Variants in KCNQ3 observed in about 807,000 individuals in gnomAD.
KCNQ3 encodes the protein potassium voltage-gated channel subfamily KQT member 3.
In KCNQ3, 30 loss-of-function variants were observed where a neutral mutation model predicts 92.5. That is an observed-to-expected ratio of 0.32 (90% CI 0.24 to 0.44). The LOEUF is 0.44. Ranked by LOEUF, KCNQ3 falls within the 20% of genes least tolerant of loss-of-function variation. KCNQ3 has a pLI of 1.00. For synonymous variants in KCNQ3, 450 were observed against 468.8 expected (o/e 0.96, Z 0.52); for missense variants, 913 against 1,140.3 (o/e 0.80, Z 2.87).
intron 1 of KCNQ3, among the ~76,000 whole-genome samples, chr8:132,342,455 C>T (rs1818561172): frequency 1.3e-5 from 2 of 152,152 alleles, no homozygotes; most frequent in Non-Finnish European, 2.9e-5. Flanking sequence ...CAACAGGCAG[C>T]CCACGGGCAA....
intron 1 of KCNQ3, among the ~76,000 whole-genome samples, chr8:132,433,585 T>C (rs552731899): frequency 6.6e-6 from 1 of 152,358 alleles, no homozygotes; most frequent in African/African-American, 2.4e-5. Flanking sequence ...TTTGTTAGTA[T>C]AGATTTTAAA....
chr8:132,458,112 G>C (rs1652716042), intron 1 of KCNQ3, among the ~76,000 whole-genome samples: 1 of 152,164 alleles, frequency 6.6e-6, no homozygotes, highest in Admixed American at 6.5e-5. Context: ...TCCAGGACTT[G>C]CCACCTGGTC....
chr8:132,153,238 T>C (rs1825691912), intron 9 of KCNQ3, among the ~76,000 whole-genome samples: 1 of 152,150 alleles, frequency 6.6e-6, no homozygotes, highest in South Asian at 2.1e-4. Context: ...CAGGAATAAA[T>C]AGAGTGCCCC....
intron 1 of KCNQ3, among the ~76,000 whole-genome samples, chr8:132,267,822 TA>T (rs1270165768): frequency 1.2e-4 from 19 of 152,118 alleles, no homozygotes; most frequent in Admixed American, 1.2e-3. Flanking sequence ...AACCAGAAAA[TA>T]CAGAGATCTT....
intron 1 of KCNQ3, among the ~76,000 whole-genome samples, chr8:132,277,692 A>T (rs906090109): frequency 1.3e-5 from 2 of 152,098 alleles, no homozygotes; most frequent in Admixed American, 6.6e-5. Flanking sequence ...GAGTTCGCAG[A>T]CTCGCAGATG....
intron 1 of KCNQ3, among the ~76,000 whole-genome samples, chr8:132,249,282 G>A (rs921550791): frequency 6.6e-6 from 1 of 152,136 alleles, no homozygotes; most frequent in Admixed American, 6.5e-5. Context: ...ACATCCTGCC[G>A]ATTGGTCCAT....
At chr8:132,239,080 T>C (rs1005210857) in intron 1 of KCNQ3, among the ~76,000 whole-genome samples, 12 of 152,190 alleles carry the variant, frequency 7.9e-5, no homozygotes, top group African/African-American at 2.9e-4. Context: ...CATTGACGTA[T>C]TACCAAGAAA....
intron 1 of KCNQ3, among the ~76,000 whole-genome samples, chr8:132,187,886 CGGTGGT>C (rs1211571900): frequency 3.8e-5 from 1 of 26,624 alleles, no homozygotes; most frequent in African/African-American, 1.7e-4. Flanking sequence ...GTGATGGTGG[CGGTGGT>C]GGTGGTGGTG....
At chr8:132,215,184 C>A (rs1046697439) in intron 1 of KCNQ3, among the ~76,000 whole-genome samples, 4 of 152,218 alleles carry the variant, frequency 2.6e-5, no homozygotes, top group Admixed American at 6.5e-5. Flanking sequence ...GGACCTTAGG[C>A]CAGTCACTTA....
chr8:132,480,376 C>T lies in KCNQ3; in HGVS notation c.157G>A (p.Val53Ile). 1 of 1,573,562 alleles carries T rather than the reference C, an allele frequency of 6.4e-7. No homozygotes were observed. The highest frequency in any genetic ancestry group is 1.1e-5 in the South Asian group (1 of 87,330). The change falls in exon 1 of 15, where the codon GTC becomes ATC. Residue 53 changes from valine to isoleucine, a missense_variant. By Grantham distance (29) the Val-to-Ile change is conservative (BLOSUM62 3). Transcript: ENST00000388996. ...VGLAPGDVEQ[V>I]TLALGAGADK... ...GCTCCGGCCCCGAGCGCCAAGGTGA[C>T]TTGCTCCACGTCGCCGGGCGCCAGC...
At chr8:132,377,629 G>A (rs1198270810) in intron 1 of KCNQ3, among the ~76,000 whole-genome samples, 1 of 152,160 alleles carries the variant, frequency 6.6e-6, no homozygotes, top group East Asian at 1.9e-4. Flanking sequence ...CTACAGGGAT[G>A]GTTTGTCTGT....
chr8:132,184,452 G>A (rs1193397110), intron 2 of KCNQ3, 85 bp from the exon 3 acceptor site: 2 of 1,365,698 alleles, frequency 1.5e-6, no homozygotes, highest in Non-Finnish European at 9.9e-7. Flanking sequence ...AAGTTCTGAA[G>A]AACTCCATTT....
At chr8:132,264,269 G>A (rs1328479859) in intron 1 of KCNQ3, among the ~76,000 whole-genome samples, 2 of 152,160 alleles carry the variant, frequency 1.3e-5, no homozygotes, top group African/African-American at 4.8e-5. Flanking sequence ...TTGGCCACAG[G>A]TTGTTCAAAG....
intron 1 of KCNQ3, among the ~76,000 whole-genome samples, chr8:132,444,757 T>C (rs1194141009): frequency 6.6e-6 from 1 of 152,124 alleles, no homozygotes; most frequent in Non-Finnish European, 1.5e-5. Flanking sequence ...GAGCGTGGGA[T>C]TTGGTGGCAT....
At chr8:132,405,340 G>A (rs558416783) in intron 1 of KCNQ3, among the ~76,000 whole-genome samples, 1 of 152,340 alleles carries the variant, frequency 6.6e-6, no homozygotes, top group South Asian at 2.1e-4. Context: ...ACAAAAAACA[G>A]CTCCTGGATT....
intron 1 of KCNQ3, among the ~76,000 whole-genome samples, chr8:132,401,039 A>C (rs2130783756): frequency 6.6e-6 from 1 of 152,278 alleles, no homozygotes; most frequent in South Asian, 2.1e-4. Flanking sequence ...GTTTCACAAA[A>C]CAAGAGCAGG....
chr8:132,284,498 T>TTA (rs397783077), intron 1 of KCNQ3, among the ~76,000 whole-genome samples: 3 of 151,836 alleles, frequency 2.0e-5, no homozygotes, highest in African/African-American at 4.8e-5. Flanking sequence ...ATTTTTTTTT[T>TTA]ATCTACTCTT....
chr8:132,144,675 A>G (rs1342032169), intron 9 of KCNQ3, among the ~76,000 whole-genome samples: 1 of 152,228 alleles, frequency 6.6e-6, no homozygotes, highest in Non-Finnish European at 1.5e-5. Flanking sequence ...AGGTATCAGC[A>G]TGGGGAACTT....
At chr8:132,409,619 A>G (rs899484242) in intron 1 of KCNQ3, among the ~76,000 whole-genome samples, 1 of 152,126 alleles carries the variant, frequency 6.6e-6, no homozygotes, top group African/African-American at 2.4e-5. Flanking sequence ...ATCTACCTTC[A>G]CAACCTAATG....
Sources: allele counts gnomAD v4.1 joint callset (sites outside exome capture counted in the v4.1 genomes callset), GRCh38; gene constraint gnomAD v4.1.1; transcripts MANE v1.5; gene names NCBI Gene and HGNC (gene_info 2026-07-23, HGNC 2026-07-21).